ENPP2: variants seen among roughly 807,000 people sequenced by gnomAD.
The protein encoded by ENPP2 is autotaxin.
ENPP2 carries 51 observed loss-of-function variants against 120.2 expected under a neutral mutation model. The ratio of observed to expected loss-of-function variants is 0.42; its 90% CI spans 0.34 to 0.54. The LOEUF (loss-of-function observed/expected upper bound fraction) is 0.54. Among genes scored for constraint, ENPP2 ranks in the 20% least tolerant of loss-of-function variants. The probability of loss-of-function intolerance (pLI) is 0.04; values close to 1 mark genes in which losing one functional copy is unlikely to be tolerated. For missense variants in ENPP2, 920 were observed against 1,066.5 expected (o/e 0.86, Z 1.91); for synonymous variants, 365 against 366.4 (o/e 1.00, Z 0.04).
intron 24 of ENPP2, among the ~76,000 whole-genome samples, chr8:119,558,675 C>T (rs553319492): frequency 6.6e-6 from 1 of 151,344 alleles, no homozygotes; most frequent in East Asian, 2.0e-4. Context: ...TCTGAGAGCC[C>T]TGTGAATATG....
intron 8 of ENPP2, among the ~76,000 whole-genome samples, chr8:119,608,582 T>A (rs1451733426): frequency 1.3e-5 from 2 of 152,228 alleles, no homozygotes; most frequent in African/African-American, 4.8e-5. Context: ...TCAAGGTTTT[T>A]AAAATATTCT....
chr8:119,669,622 T>C (rs541070467), intron 1 of ENPP2, among the ~76,000 whole-genome samples: 16 of 152,334 alleles, frequency 1.1e-4, no homozygotes, highest in African/African-American at 3.4e-4. Flanking sequence ...ATTAATTAAT[T>C]CCTTTGATTA....
chr8:119,668,573 C>T (rs1021276007), intron 1 of ENPP2, among the ~76,000 whole-genome samples: 2 of 151,614 alleles, frequency 1.3e-5, no homozygotes, highest in East Asian at 1.9e-4. Flanking sequence ...GGACTACAGG[C>T]ACTTGCCACC....
At chr8:119,617,740 G>A (rs533482471) in intron 5 of ENPP2, among the ~76,000 whole-genome samples, 177 bp from the exon 6 acceptor site, 2 of 152,300 alleles carry the variant, frequency 1.3e-5, no homozygotes, top group Non-Finnish European at 2.9e-5. Flanking sequence ...CCTGAGGTCA[G>A]GAGTTCGAGA....
chr8:119,564,782 G>C lies in ENPP2; in HGVS notation c.2264+41C>G. On this transcript the variant is annotated intron_variant, in intron 23 of 24. Transcript: ENST00000075322. ...GAAAAACTTCTTGAGTGAGATCTTG[G>C]GACTTAAAAATCACACACTGAGTAG... 6 of 1,581,992 alleles carry C rather than the reference G, an allele frequency of 3.8e-6. No individual in the cohort carries two copies. In the South Asian group the frequency reaches 6.9e-5, roughly 18 times the overall value.
At chr8:119,589,999 C>G (rs1050708259) in intron 13 of ENPP2, among the ~76,000 whole-genome samples, 3 of 152,042 alleles carry the variant, frequency 2.0e-5, no homozygotes, top group Non-Finnish European at 4.4e-5. Context: ...ATATCTTTTC[C>G]TACTAGGTTC....
intron 2 of ENPP2, among the ~76,000 whole-genome samples, chr8:119,634,268 G>GA (rs983060645): frequency 2.0e-5 from 3 of 146,838 alleles, no homozygotes; most frequent in East Asian, 2.0e-4. Context: ...AAACTAGAAG[G>GA]AAAAAAAAAG....
intron 2 of ENPP2, among the ~76,000 whole-genome samples, chr8:119,633,149 C>G (rs765270924): frequency 6.6e-6 from 1 of 152,152 alleles, no homozygotes; most frequent in African/African-American, 2.4e-5. Context: ...GGAGCCTAAC[C>G]GATGACAAAA....
intron 24 of ENPP2, among the ~76,000 whole-genome samples, chr8:119,559,668 T>C (rs1485919801): frequency 6.6e-6 from 1 of 152,216 alleles, no homozygotes; most frequent in African/African-American, 2.4e-5. Context: ...ACAATTCAGA[T>C]AAAAGTTCAT....
chr8:119,652,920 T>C (rs1817665895), intron 1 of ENPP2, among the ~76,000 whole-genome samples: 1 of 152,196 alleles, frequency 6.6e-6, no homozygotes, highest in Non-Finnish European at 1.5e-5. Context: ...TATACAACTT[T>C]GCACTAGGAG....
rs931065078 is a variant in ENPP2, at chr8:119,593,624, C to G, written c.1081+128G>C. On this transcript the variant is annotated intron_variant, in intron 12 of 24. Coordinates refer to ENST00000075322, the MANE Select transcript of ENPP2 (RefSeq NM_001040092.3). ...TCAATCATGGCCTGATTTCTATCCC[C>G]ATCTTAAAGAAAGCGGGGATGAGGT... 1.9e-5 allele frequency: 12 copies of G among 647,468 alleles called. No homozygotes were observed. In the South Asian group the frequency reaches 2.4e-4, roughly 13 times the overall value. The allele number at this position is 647,468 out of a possible 1,614,324, so 40.1% of individuals were successfully genotyped here. A position where few individuals can be genotyped will look rare whatever the true frequency, so the allele number is the denominator to read the frequency against.
At chr8:119,651,268 G>A (rs1327471579) in intron 1 of ENPP2, among the ~76,000 whole-genome samples, 1 of 152,144 alleles carries the variant, frequency 6.6e-6, no homozygotes, top group Non-Finnish European at 1.5e-5. Flanking sequence ...AAAGGAAAAA[G>A]CAAACATGTA....
chr8:119,666,790 AAG>A (rs1818086437), intron 1 of ENPP2, among the ~76,000 whole-genome samples: 1 of 151,920 alleles, frequency 6.6e-6, no homozygotes, highest in Non-Finnish European at 1.5e-5. Context: ...AAAAAAAAAA[AAG>A]CTTAATGAAG....
chr8:119,589,403 T>G (rs1813343727), intron 13 of ENPP2, among the ~76,000 whole-genome samples: 1 of 152,104 alleles, frequency 6.6e-6, no homozygotes, highest in South Asian at 2.1e-4. Context: ...TATGAATTCA[T>G]GGGCCATGGG....
Position 119,557,654 on chromosome 8 carries a change from A to G in ENPP2, c.2459T>C (p.Met820Thr). 6.3e-7 allele frequency: 1 copy of G among 1,596,868 alleles called. No individual in the cohort carries two copies. The highest frequency in any genetic ancestry group is 1.8e-5 in the Admixed American group (1 of 56,078). ...EDESKWVEELMKMHTARVRDI... is the reference protein window; with the variant it reads ...EDESKWVEELTKMHTARVRDI... The stretch of plus-strand genomic sequence containing the variant: ...ACGCACCCTAGCTGTGTGCATCTTC[A>G]TGAGTTCTTCTACCCATTTTGATTC... The change falls in exon 25 of 25, where the codon ATG becomes ACG. Residue 820 changes from methionine (M) to threonine (T), a missense_variant. By Grantham distance (81) the Met-to-Thr change is moderately conservative (BLOSUM62 -1). Coordinates refer to ENST00000075322, the MANE Select transcript of ENPP2 (RefSeq NM_001040092.3).
At chr8:119,592,623 G>A (rs1813602827) in intron 12 of ENPP2, among the ~76,000 whole-genome samples, 1 of 140,736 alleles carries the variant, frequency 7.1e-6, no homozygotes, top group Admixed American at 7.1e-5. Context: ...CATATCATTG[G>A]GACCCTTCTA....
intron 17 of ENPP2, among the ~76,000 whole-genome samples, chr8:119,583,188 A>G (rs1166700031): frequency 1.3e-5 from 2 of 152,202 alleles, no homozygotes; most frequent in African/African-American, 2.4e-5. Flanking sequence ...GACAGCTAGC[A>G]GCCAAGATGG....
intron 1 of ENPP2, among the ~76,000 whole-genome samples, chr8:119,663,167 T>C (rs1401183023): frequency 7.2e-6 from 1 of 139,608 alleles, no homozygotes; most frequent in Non-Finnish European, 1.6e-5. Context: ...GAAAAGAAAA[T>C]GGGTAGTATA....
chr8:119,593,821 G>A lies in ENPP2; in HGVS notation c.1012C>T (p.Gln338Ter), dbSNP rs1278976886. The change falls in exon 12 of 25, where the codon CAA becomes TAA. Residue 338 changes from glutamine (Q) to a stop codon, truncating the protein, a stop_gained. Coordinates refer to ENST00000075322, the MANE Select transcript of ENPP2 (RefSeq NM_001040092.3). LOFTEE classifies it high-confidence loss of function. Reference sequence around the variant, plus strand: ...AGTTGTTTCAGTCCATCCATTAATTGCCCCACAATTTTGTCGATTTCCCTC... The same window carrying A: ...AGTTGTTTCAGTCCATCCATTAATTACCCCACAATTTTGTCGATTTCCCTC... ...PLREIDKIVG[Q>*]LMDGLKQLKL... 1.2e-6 allele frequency: 2 copies of A among 1,612,794 alleles called. No homozygotes were observed. The highest frequency in any genetic ancestry group is 8.5e-7 in the Non-Finnish European group (1 of 1,178,948).
Sources: gnomAD v4.1 joint callset for allele counts (sites outside exome capture counted in the v4.1 genomes callset) on GRCh38, gnomAD v4.1.1 for gene constraint, MANE v1.5 for transcripts, NCBI Gene and HGNC (gene_info 2026-07-23, HGNC 2026-07-21) for gene names.